The following BDH2 variants were observed in gnomAD, a reference collection of about 807,000 sequenced individuals.
The protein encoded by BDH2 is dehydrogenase/reductase SDR family member 6.
BDH2 carries 24 observed loss-of-function variants against 33.2 expected under a neutral mutation model. The observed-to-expected ratio is 0.72, with a 90% CI of 0.52 to 1.02. The LOEUF (loss-of-function observed/expected upper bound fraction) is 1.02, where lower values mean the gene tolerates loss of function less well. Among genes scored for constraint, BDH2 ranks in the 50% least tolerant of loss-of-function variants. The probability of loss-of-function intolerance (pLI) is 0.00; values close to 1 mark genes in which losing one functional copy is unlikely to be tolerated. For missense variants in BDH2, 249 were observed against 301.6 expected, an observed-to-expected ratio of 0.83 and a Z score of 1.29; for synonymous variants, 81 against 101.6, an observed-to-expected ratio of 0.80 and a Z score of 1.22.
chr4:103,087,304 A>G (rs1747840734), intron 5 of BDH2, among the ~76,000 whole-genome samples: 1 of 151,658 alleles, frequency 6.6e-6, no homozygotes, highest in African/African-American at 2.4e-5. Context: ...TTTACCCTGA[A>G]GGTGATGCAG....
rs1560573432 is a variant in BDH2, at chr4:103,091,280, A to G, written c.254T>C (p.Val85Ala). 6.2e-7 allele frequency: 1 copy of G among 1,604,256 alleles called. No homozygotes were observed. Among genetic ancestry groups the G allele is most frequent in the Non-Finnish European group, 8.5e-7 (1 of 1,171,272 alleles). Reference protein sequence around the residue: ...LDVLFNVAGFVHHGTVLDCEE... With the variant: ...LDVLFNVAGFAHHGTVLDCEE... The stretch of plus-strand genomic sequence containing the variant: ...ACAATCCAGGACAGTTCCATGATGG[A>G]CAAAACTAGAAGAGTGATTAAACAA... Residue 85 changes from valine (V) to alanine (A), a missense_variant, in exon 5 of 10, where the codon GTC becomes GCC. By Grantham distance (64) the Val-to-Ala change is moderately conservative. Transcript: ENST00000296424.
At chr4:103,096,395 C>T in intron 1 of BDH2, 121 bp from the exon 2 acceptor site, 1 of 583,062 alleles carries the variant, frequency 1.7e-6, no homozygotes, top group Non-Finnish European at 3.0e-6. Context: ...CCTTCAGGAA[C>T]TTGAAGACAG....
intron 9 of BDH2, among the ~76,000 whole-genome samples, chr4:103,080,675 T>C (rs779980361): frequency 6.6e-6 from 1 of 152,246 alleles, no homozygotes; most frequent in Non-Finnish European, 1.5e-5. Flanking sequence ...GTTACACATA[T>C]GAACTCCTCT....
intron 8 of BDH2, 141 bp downstream of exon 8, chr4:103,082,730 G>A (rs1578499383): frequency 8.3e-6 from 6 of 723,048 alleles, no homozygotes; most frequent in Non-Finnish European, 1.4e-5. Flanking sequence ...TACTCATTAA[G>A]CATTAACTAC....
chr4:103,097,715 T>G (rs1250944268), intron 1 of BDH2: 1 of 152,250 alleles, frequency 6.6e-6, no homozygotes, highest in East Asian at 1.9e-4. Flanking sequence ...TGGCCACTCC[T>G]AGCTGCAAAG....
rs1748059304 is a variant in BDH2 at position 103,091,056 on chromosome 4, A to G, written c.357+121T>C. 1.0e-5 allele frequency: 6 copies of G among 602,030 alleles called. No individual in the cohort carries two copies. The Admixed American group carries it at 1.7e-4, about 17-fold the overall frequency. The allele number at this position is 602,030 out of a possible 1,614,324, so 37.3% of individuals were successfully genotyped here. On this transcript the variant is annotated intron_variant, in intron 5 of 9. Transcript: ENST00000296424. ...TGAAATGCCTTGATATAAATGTTCA[A>G]TGCAAGTTAATCATTGTGTTAGTTA...
rs1380698837 is a variant in BDH2 at position 103,095,210 on chromosome 4, CT to C, written c.143del (p.Lys48SerfsTer55). ...AGCTGCTGAGTTGCTTACCCGGGTA[CT>C]TTTCCAGTTCCTGAAGTTTGGACTC... The part of the protein sequence containing the change: ...INESKLQELE[K>X]YPGIQTRVLD... On this transcript the variant is annotated frameshift_variant, in exon 3 of 10. Coordinates refer to ENST00000296424, the MANE Select transcript of BDH2 (RefSeq NM_020139.4). 1.2e-6 allele frequency: 2 copies of C among 1,613,458 alleles called. No individual in the cohort carries two copies. Among genetic ancestry groups the C allele is most frequent in the African/African-American group, 2.7e-5 (2 of 74,884 alleles).
At chr4:103,085,085 A>C (rs774006574) in intron 7 of BDH2, among the ~76,000 whole-genome samples, 5 of 152,246 alleles carry the variant, frequency 3.3e-5, no homozygotes, top group African/African-American at 7.2e-5. Flanking sequence ...GGTTATTGTG[A>C]AAATGAGACA....
rs576389875 is a variant in BDH2 at position 103,098,083 on chromosome 4, G to A, written c.-21+1700C>T. On this transcript the variant is annotated intron_variant, in intron 1 of 9. Transcript: ENST00000296424. Reference sequence around the variant, plus strand: ...AGGATTTATGGAAAGGGTGTGAAATGATCAGATTCGTATTTTGGAAGGACT... The same window carrying A: ...AGGATTTATGGAAAGGGTGTGAAATAATCAGATTCGTATTTTGGAAGGACT... Among the ~76,000 whole-genome samples the A allele has an allele frequency of 2.0e-5, 3 of 152,230 alleles. No homozygotes were observed. In the East Asian group the frequency reaches 5.8e-4, roughly 29 times the overall value.
intron 7 of BDH2, among the ~76,000 whole-genome samples, chr4:103,084,822 A>G (rs1747696506): frequency 6.6e-6 from 1 of 152,150 alleles, no homozygotes; most frequent in Admixed American, 6.5e-5. Flanking sequence ...AAACCACACA[A>G]TTCTCTCCAT....
chr4:103,093,680 C>T (rs1054168321), intron 3 of BDH2, among the ~76,000 whole-genome samples: 41 of 143,400 alleles, frequency 2.9e-4, no homozygotes, highest in Admixed American at 9.1e-4. Context: ...ATAATATATA[C>T]AATGTATTAA....
At chr4:103,097,097 GA>G (rs145847869) in intron 1 of BDH2, among the ~76,000 whole-genome samples, 18 of 145,238 alleles carry the variant, frequency 1.2e-4, no homozygotes, top group South Asian at 2.2e-4. Flanking sequence ...GATATTCATC[GA>G]AAAAAAAAAG....
Position 103,078,866 on chromosome 4 carries a change from C to T in BDH2, c.*836G>A, listed in dbSNP as rs1039090727. Among the ~76,000 whole-genome samples the T allele has an allele frequency of 6.6e-6, 1 of 152,132 alleles. No individual in the cohort carries two copies. On this transcript the variant is annotated 3_prime_UTR_variant, in exon 10 of 10. Transcript: ENST00000296424. ...AAACTCTTGGGCTCAAGTAATCCTC[C>T]TGCCTTAGCCTCTGTTAACCATGCT...
chr4:103,086,027 A>T (rs1747762926), intron 6 of BDH2: 1 of 1,150,766 alleles, frequency 8.7e-7, no homozygotes, highest in Admixed American at 4.5e-5. Context: ...CCACAAACTC[A>T]CAGGCAGTTA....
intron 7 of BDH2, among the ~76,000 whole-genome samples, chr4:103,084,778 G>A (rs930180713): frequency 6.6e-6 from 1 of 152,176 alleles, no homozygotes; most frequent in Non-Finnish European, 1.5e-5. Context: ...GGTTTCAACT[G>A]AAGATTCAAT....
chr4:103,098,564 T>C (rs1748515961), intron 1 of BDH2: 1 of 152,288 alleles, frequency 6.6e-6, no homozygotes, highest in Admixed American at 6.5e-5. Context: ...TGAGCATGCA[T>C]GCTTACTAAG....
intron 6 of BDH2, chr4:103,085,765 A>G: frequency 7.5e-7 from 1 of 1,338,986 alleles, no homozygotes; most frequent in Non-Finnish European, 9.8e-7. Context: ...CCAAAAGAAA[A>G]TGAAGATTAA....
intron 9 of BDH2, among the ~76,000 whole-genome samples, 181 bp from the exon 10 acceptor site, chr4:103,079,936 G>T (rs1441334077): frequency 6.6e-6 from 1 of 152,214 alleles, no homozygotes; most frequent in African/African-American, 2.4e-5. Context: ...ACTGCTGAGT[G>T]TCCTGTGATC....
At chr4:103,093,566 A>ATT (rs1748212628) in intron 3 of BDH2, among the ~76,000 whole-genome samples, 1 of 148,202 alleles carries the variant, frequency 6.7e-6, no homozygotes, top group South Asian at 2.1e-4. Flanking sequence ...TATATATTAT[A>ATT]ACATATAGTA....
Sources: gnomAD v4.1 joint callset for allele counts (sites outside exome capture counted in the v4.1 genomes callset) on GRCh38, gnomAD v4.1.1 for gene constraint, MANE v1.5 for transcripts, NCBI Gene and HGNC (gene_info 2026-07-23, HGNC 2026-07-21) for gene names.